The following UNC5A variants were observed in gnomAD, a reference collection of about 807,000 sequenced individuals.
UNC5A encodes the protein unc-5 netrin receptor A.
Under a neutral mutation model 87.4 loss-of-function variants are expected in UNC5A, and 20 were observed. The observed-to-expected ratio is 0.23, with a 90% confidence interval of 0.16 to 0.33. The LOEUF (loss-of-function observed/expected upper bound fraction) is 0.33, where lower values mean the gene tolerates loss of function less well. Ranked by LOEUF, UNC5A falls within the 10% of genes least tolerant of loss-of-function variation. The probability of loss-of-function intolerance (pLI) is 1.00; values close to 1 mark genes in which losing one functional copy is unlikely to be tolerated. For synonymous variants in UNC5A, 438 were observed against 482.3 expected, an observed-to-expected ratio of 0.91 and a Z score of 1.20; for missense variants, 844 against 1,133.4, an observed-to-expected ratio of 0.74 and a Z score of 3.67.
chr5:176,838,195 T>C lies in UNC5A; in HGVS notation c.71-24429T>C, dbSNP rs1321541210. 6.6e-6 allele frequency among the ~76,000 whole-genome samples: 1 copy of C among 152,182 alleles called. No individual in the cohort carries two copies. Among genetic ancestry groups the C allele is most frequent in the Non-Finnish European group, 1.5e-5 (1 of 68,034 alleles). ...CAAACCTGATTCTACTGCTTAACTC[T>C]GGGGGGAAGGAGCTGGAGAGGTGGG... On this transcript the variant is annotated intron_variant, in intron 1 of 14. Coordinates refer to ENST00000329542, the MANE Select transcript of UNC5A (RefSeq NM_133369.3). The surrounding 1 kb of genome is among the most constrained non-coding windows in gnomAD (Gnocchi z 4.2).
intron 1 of UNC5A, among the ~76,000 whole-genome samples, chr5:176,842,683 A>G (rs892200182): frequency 2.0e-5 from 3 of 152,050 alleles, no homozygotes; most frequent in Non-Finnish European, 4.4e-5. Context: ...GAATGATACA[A>G]TGGACTTTGG....
At chr5:176,855,235 A>G (rs1246622484) in intron 1 of UNC5A, among the ~76,000 whole-genome samples, 2 of 152,160 alleles carry the variant, frequency 1.3e-5, no homozygotes, top group African/African-American at 4.8e-5. Context: ...AAGGCCTACA[A>G]TGCCTGCAGG....
chr5:176,879,245 G>A, intron 13 of UNC5A, 65 bp from the exon 14 acceptor site: 3 of 1,506,908 alleles, frequency 2.0e-6, no homozygotes, highest in African/African-American at 2.8e-5. Context: ...CCCCCAGCAG[G>A]AGGTGGCGGT....
intron 2 of UNC5A, among the ~76,000 whole-genome samples, chr5:176,863,131 A>C (rs1439920149): frequency 2.6e-5 from 4 of 152,200 alleles, no homozygotes; most frequent in Non-Finnish European, 5.9e-5. Flanking sequence ...CGTGCTGGGG[A>C]CAGCCCGCCA....
Position 176,848,928 on chromosome 5 carries a change from G to C in UNC5A, c.71-13696G>C, listed in dbSNP as rs549990548. ...CAGGTACATCCTGCTACCCGCCCAG[G>C]TACCTGGGGCAATGGACAGCCGACC... is the stretch of plus-strand genomic sequence containing the variant. On this transcript the variant is annotated intron_variant, in intron 1 of 14. Transcript: ENST00000329542. The surrounding 1 kb of genome is among the most constrained non-coding windows in gnomAD (Gnocchi z 5.8). Among the ~76,000 whole-genome samples, 1 of 152,260 alleles carries C rather than the reference G, an allele frequency of 6.6e-6. No individual in the cohort carries two copies. The highest frequency in any genetic ancestry group is 2.4e-5 in the African/African-American group (1 of 41,464).
rs567324027 is a variant in UNC5A, at chr5:176,828,181, A to T, written c.70+17361A>T. On this transcript the variant is annotated intron_variant, in intron 1 of 14. Coordinates refer to ENST00000329542, the MANE Select transcript of UNC5A (RefSeq NM_133369.3). ...ACCAGGATAAATGCGGCTACAAACA[A>T]TGCGGCAGGCTGGGTGCTAATTTGT... 3.1e-3 allele frequency among the ~76,000 whole-genome samples: 478 copies of T among 152,294 alleles called. 1 individual carries two copies. The highest frequency in any genetic ancestry group is 5.4e-3 in the Non-Finnish European group (370 of 68,024).
chr5:176,874,471 C>A lies in UNC5A; in HGVS notation c.1283C>A (p.Thr428Asn), dbSNP rs150952594. Residue 428 changes from threonine (T) to asparagine (N), a missense_variant, in exon 8 of 15, where the codon ACC becomes AAC. By Grantham distance (65) the Thr-to-Asn change is moderately conservative (BLOSUM62 0). Transcript: ENST00000329542. The surrounding 1 kb of genome is among the most constrained non-coding windows in gnomAD (Gnocchi z 7.6). ...GAGGAGTTCGTCTCCCGCCTCTCCA[C>A]CCAGAACTACTTCCGCTCCCTGCCC... ...EAEEFVSRLSTQNYFRSLPRG... is the reference protein window; with the variant it reads ...EAEEFVSRLSNQNYFRSLPRG... The A allele has an allele frequency of 3.7e-6, 6 of 1,613,302 alleles. No individual in the cohort carries two copies. The highest frequency in any genetic ancestry group is 5.1e-6 in the Non-Finnish European group (6 of 1,179,704).
chr5:176,868,437 C>T, intron 3 of UNC5A, 124 bp from the exon 4 acceptor site: 5 of 1,422,774 alleles, frequency 3.5e-6, no homozygotes, highest in Non-Finnish European at 4.8e-6. Context: ...CACCCCATGG[C>T]CCCCTGGCCA....
At chr5:176,813,037 C>T (rs1420774256) in intron 1 of UNC5A, among the ~76,000 whole-genome samples, 1 of 152,208 alleles carries the variant, frequency 6.6e-6, no homozygotes, top group Non-Finnish European at 1.5e-5. Context: ...TGACTGCAGC[C>T]GCTTGCTCCC....
At chr5:176,858,674 T>C (rs1757723349) in intron 1 of UNC5A, among the ~76,000 whole-genome samples, 1 of 144,248 alleles carries the variant, frequency 6.9e-6, no homozygotes, top group African/African-American at 2.6e-5. Flanking sequence ...CCTGGCGTTG[T>C]CTTTGATGGA....
chr5:176,830,389 G>T (rs1756968874), intron 1 of UNC5A, among the ~76,000 whole-genome samples: 3 of 150,038 alleles, frequency 2.0e-5, no homozygotes, highest in African/African-American at 7.3e-5. Context: ...TTGTGCGTGT[G>T]TGTGCTGGTG....
rs1757348289 is a variant in UNC5A at position 176,844,252 on chromosome 5, A to T, written c.71-18372A>T. On this transcript the variant is annotated intron_variant, in intron 1 of 14. Coordinates refer to ENST00000329542, the MANE Select transcript of UNC5A (RefSeq NM_133369.3). This position sits in a 1 kb window ranked among gnomAD's most constrained non-coding sequence, Gnocchi z 4.2. Reference sequence around the variant, plus strand: ...TCCTCAGGACAGAGCTGGAGAGAACACTTGGTCCTGGTATCCCGTGGGCCA... The same window carrying T: ...TCCTCAGGACAGAGCTGGAGAGAACTCTTGGTCCTGGTATCCCGTGGGCCA... 6.6e-6 allele frequency among the ~76,000 whole-genome samples: 1 copy of T among 151,956 alleles called. No individual in the cohort carries two copies. The highest frequency in any genetic ancestry group is 2.4e-5 in the African/African-American group (1 of 41,364).
Position 176,843,140 on chromosome 5 carries a change from G to A in UNC5A, c.71-19484G>A, listed in dbSNP as rs1243205863. ...CGCGTCATTGCACTCCAGCCTGGGC[G>A]GTAAGAGTGAAACTCTGTCTCAAAA... is the stretch of plus-strand genomic sequence containing the variant. On this transcript the variant is annotated intron_variant, in intron 1 of 14. Transcript: ENST00000329542. Among the ~76,000 whole-genome samples the A allele has an allele frequency of 4.0e-5, 6 of 150,836 alleles. No homozygotes were observed. The East Asian group carries it at 5.8e-4, about 15-fold the overall frequency.
Position 176,878,316 on chromosome 5 carries a change from A to G in UNC5A, c.1942A>G (p.Ser648Gly). Residue 648 changes from serine (S) to glycine (G), a missense_variant, in exon 12 of 15, where the codon AGT becomes GGT. By Grantham distance (56) the Ser-to-Gly change is moderately conservative. Around this residue, in one of 3 missense-constraint regions of UNC5A, gnomAD observed 177 missense variants for 279.4 expected, o/e 0.63. Coordinates refer to ENST00000329542, the MANE Select transcript of UNC5A (RefSeq NM_133369.3). ...GCCACGGGTCCTGCACTTCAAGGACAGTTACCACAACCTGCGCCTATCCAT... is the reference window on the plus strand; with the variant it reads ...GCCACGGGTCCTGCACTTCAAGGACGGTTACCACAACCTGCGCCTATCCAT... ...QEPRVLHFKDSYHNLRLSIHD... is the reference protein window; with the variant it reads ...QEPRVLHFKDGYHNLRLSIHD... The G allele has an allele frequency of 6.2e-7, 1 of 1,613,412 alleles. No homozygotes were observed. Among genetic ancestry groups the G allele is most frequent in the Admixed American group, 1.7e-5 (1 of 60,018 alleles).
chr5:176,829,089 G>A lies in UNC5A; in HGVS notation c.70+18269G>A, dbSNP rs528756763. Reference sequence around the variant, plus strand: ...TGACATTGCAGTGAGCGGAGATCGCGCTGCTGCACTCCAGCCTGGGCAACA... The same window carrying A: ...TGACATTGCAGTGAGCGGAGATCGCACTGCTGCACTCCAGCCTGGGCAACA... On this transcript the variant is annotated intron_variant, in intron 1 of 14. Coordinates refer to ENST00000329542, the MANE Select transcript of UNC5A (RefSeq NM_133369.3). Among the ~76,000 whole-genome samples the A allele has an allele frequency of 4.0e-5, 6 of 149,620 alleles. No homozygotes were observed. In the South Asian group the frequency reaches 6.3e-4, roughly 16 times the overall value.
intron 13 of UNC5A, among the ~76,000 whole-genome samples, chr5:176,878,877 G>A (rs539887237): frequency 1.3e-5 from 2 of 152,312 alleles, no homozygotes; most frequent in South Asian, 2.1e-4. Context: ...AGCAGGAGGG[G>A]AGACCCTGGA....
In UNC5A at chr5:176,877,986, C is replaced by T; in HGVS notation, c.1728C>T (p.Gly576=). The T allele has an allele frequency of 6.2e-7, 1 of 1,605,722 alleles. No individual in the cohort carries two copies. The highest frequency in any genetic ancestry group is 8.5e-7 in the Non-Finnish European group (1 of 1,179,932). The change falls in exon 11 of 15, where the codon GGC becomes GGT. Residue 576 remains glycine, a synonymous_variant. Transcript: ENST00000329542. ...SACYVFTEQL[G]RFALVGEALS... ...GCTACGTCTTCACCGAGCAGCTGGGCCGCTTTGCCCTGGTGGGAGAGGCCC... is the reference window on the plus strand; with the variant it reads ...GCTACGTCTTCACCGAGCAGCTGGGTCGCTTTGCCCTGGTGGGAGAGGCCC...
At chr5:176,857,279 G>A (rs1381798979) in intron 1 of UNC5A, among the ~76,000 whole-genome samples, 2 of 152,240 alleles carry the variant, frequency 1.3e-5, no homozygotes, top group African/African-American at 4.8e-5. Context: ...CCCGGTGCCC[G>A]GAACAGTTCC....
intron 1 of UNC5A, among the ~76,000 whole-genome samples, chr5:176,861,604 G>T (rs531489062): frequency 1.3e-5 from 2 of 152,208 alleles, no homozygotes; most frequent in African/African-American, 4.8e-5. Context: ...TGGATCACCC[G>T]TGGGGAGGGT....
Sources: gnomAD v4.1 joint callset for allele counts (sites outside exome capture counted in the v4.1 genomes callset) on GRCh38, gnomAD v4.1.1 for gene constraint, gnomAD v4.1.1 regional missense constraint, Gnocchi (gnomAD v3.1) non-coding constraint, MANE v1.5 for transcripts, NCBI Gene and HGNC (gene_info 2026-07-23, HGNC 2026-07-21) for gene names.